The following DNAH5 variants were observed in gnomAD, a reference collection of about 807,000 sequenced individuals.
DNAH5 encodes dynein axonemal heavy chain 5, also known as axonemal beta dynein heavy chain 5.
In DNAH5, 372 loss-of-function variants were observed where a neutral mutation model predicts 518.2. The ratio of observed to expected loss-of-function variants is 0.72; its 90% CI spans 0.66 to 0.78. DNAH5 has a LOEUF of 0.78. Ranked by LOEUF, DNAH5 falls within the 30% of genes least tolerant of loss-of-function variation. The pLI is 0.00. For missense variants in DNAH5, 5,523 were observed against 5,687.0 expected, an observed-to-expected ratio of 0.97 and a Z score of 0.93; for synonymous variants, 2,039 against 2,025.9, an observed-to-expected ratio of 1.01 and a Z score of -0.17.
chr5:13,885,683 A>G (rs1772322922), intron 18 of DNAH5, among the ~76,000 whole-genome samples: 3 of 152,234 alleles, frequency 2.0e-5, no homozygotes, highest in South Asian at 4.1e-4. Flanking sequence ...AACTCTATTG[A>G]TAAGGTAAAA....
intron 9 of DNAH5, among the ~76,000 whole-genome samples, chr5:13,915,077 C>T (rs1431776491): frequency 1.3e-5 from 2 of 151,946 alleles, no homozygotes; most frequent in South Asian, 2.1e-4. Flanking sequence ...AGGAGAAGGC[C>T]GCAGAGAGAA....
At chr5:13,881,913 A>C (rs1289892849) in intron 21 of DNAH5, among the ~76,000 whole-genome samples, 1 of 152,092 alleles carries the variant, frequency 6.6e-6, no homozygotes, top group Non-Finnish European at 1.5e-5. Context: ...GAAAAGCTAC[A>C]CAAAGTTGAC....
chr5:14,005,600 C>T (rs1301776189), intron 1 of DNAH5, among the ~76,000 whole-genome samples: 1 of 152,198 alleles, frequency 6.6e-6, no homozygotes, highest in African/African-American at 2.4e-5. Context: ...AAATGCAGCA[C>T]CTGAATGTGT....
intron 1 of DNAH5, among the ~76,000 whole-genome samples, chr5:13,955,897 A>G (rs1012834032): frequency 2.0e-5 from 3 of 152,158 alleles, no homozygotes; most frequent in African/African-American, 7.2e-5. Context: ...TCAATATTAA[A>G]TTTTACTCTA....
intron 24 of DNAH5, 120 bp downstream of exon 24, chr5:13,870,647 A>G: frequency 1.1e-6 from 1 of 947,962 alleles, no homozygotes; most frequent in Non-Finnish European, 1.6e-6. Context: ...AACAATATTG[A>G]AATTATTGTC....
chr5:13,811,552 C>A, intron 44 of DNAH5, 95 bp downstream of exon 44: 1 of 1,227,130 alleles, frequency 8.1e-7, no homozygotes, highest in Non-Finnish European at 1.2e-6. Context: ...CTCTGTATAG[C>A]ATGGCTACAT....
chr5:13,740,462 T>C (rs1748319597), intron 65 of DNAH5, among the ~76,000 whole-genome samples: 1 of 152,170 alleles, frequency 6.6e-6, no homozygotes. Flanking sequence ...GGGACTTCAT[T>C]TCCTACTTTT....
chr5:13,787,219 G>C, intron 51 of DNAH5, among the ~76,000 whole-genome samples: 1 of 150,734 alleles, frequency 6.6e-6, no homozygotes, highest in Non-Finnish European at 1.5e-5. Flanking sequence ...AAAAAAAAAG[G>C]ATAATGCCCA....
intron 55 of DNAH5, among the ~76,000 whole-genome samples, chr5:13,776,097 A>T (rs4701983): frequency 1.3e-5 from 2 of 151,992 alleles, no homozygotes; most frequent in African/African-American, 4.8e-5. Context: ...AGAAAGAAGC[A>T]GAAGCAGCAA....
chr5:13,849,571 A>G lies in DNAH5; in HGVS notation c.5114+1081T>C, dbSNP rs112463257. 3.6e-3 allele frequency among the ~76,000 whole-genome samples: 554 copies of G among 152,210 alleles called. 4 individuals are homozygous for G. The highest frequency in any genetic ancestry group is 0.013 in the African/African-American group (530 of 41,516). On this transcript the variant is annotated intron_variant, in intron 31 of 78. Coordinates refer to ENST00000265104, the MANE Select transcript of DNAH5 (RefSeq NM_001369.3). The stretch of plus-strand genomic sequence containing the variant: ...ATCATATGCCACCCTTTACCTTGGA[A>G]CCTAGGAAGGATCTTTGCTCTATAA...
rs749621190 is a variant in DNAH5, at chr5:13,700,753, CCATAGA to C, written c.13604_13609del (p.Val4535_Tyr4536del). The C allele has an allele frequency of 3.1e-6, 5 of 1,614,158 alleles. No individual in the cohort carries two copies. The highest frequency in any genetic ancestry group is 4.2e-6 in the Non-Finnish European group (5 of 1,180,012). On this transcript the variant is annotated inframe_deletion, in exon 78 of 79. Transcript: ENST00000265104. ...CCAGCCAGCACCTTCAAGATATAAG[CCATAGA>C]CATAGACACCCTCTGTGGGAGGGGC...
intron 78 of DNAH5, among the ~76,000 whole-genome samples, chr5:13,692,782 A>G (rs1685888294): frequency 6.6e-6 from 1 of 152,162 alleles, no homozygotes. Context: ...AAGGCAATCT[A>G]TGTATGTCCA....
intron 37 of DNAH5, 89 bp downstream of exon 37, chr5:13,829,934 ATTC>A: frequency 7.5e-7 from 1 of 1,326,468 alleles, no homozygotes; most frequent in Non-Finnish European, 1.1e-6. Flanking sequence ...CCCAATTTCC[ATTC>A]AGGAAAACAG....
intron 50 of DNAH5, among the ~76,000 whole-genome samples, chr5:13,789,383 A>G (rs915977908): frequency 1.6e-4 from 24 of 152,220 alleles, no homozygotes; most frequent in African/African-American, 2.4e-5. Context: ...AACAAAAAAA[A>G]GCAAGCACCT....
At chr5:13,852,595 AACCCAGC>A (rs1767037429) in intron 30 of DNAH5, among the ~76,000 whole-genome samples, 1 of 152,228 alleles carries the variant, frequency 6.6e-6, no homozygotes, top group Admixed American at 6.5e-5. Context: ...ATCCCCACAG[AACCCAGC>A]AAGCTAAGAT....
rs758513686 is a variant in DNAH5 at position 13,841,751 on chromosome 5, C to T, written c.5425G>A (p.Ala1809Thr). 6.3e-5 allele frequency: 102 copies of T among 1,613,740 alleles called. No homozygotes were observed. Among genetic ancestry groups the T allele is most frequent in the East Asian group, 1.1e-4 (5 of 44,872 alleles). Residue 1809 changes from alanine (A) to threonine (T), a missense_variant, in exon 33 of 79, where the codon GCA becomes ACA. Ala to Thr is a moderately conservative substitution (Grantham distance 58). Transcript: ENST00000265104. ...TGGAAACCTGTTTCTTGAATATTTG[C>T]GGCTGCCTGGCGAATCACAAGATGC... ...SLHLVIRQAA[A>T]NIQETGFQLT... is the part of the protein sequence containing the mutation.
At chr5:13,836,305 C>A (rs1455369698) in intron 35 of DNAH5, among the ~76,000 whole-genome samples, 1 of 152,006 alleles carries the variant, frequency 6.6e-6, no homozygotes, top group Non-Finnish European at 1.5e-5. Flanking sequence ...GGAGAGAAGC[C>A]CTGGTTTGAG....
rs780320440 is a variant in DNAH5, at chr5:13,841,033, T to G, written c.5582A>C (p.Gln1861Pro). 1 of 1,614,196 alleles carries G rather than the reference T, an allele frequency of 6.2e-7. No individual in the cohort carries two copies. Among genetic ancestry groups the G allele is most frequent in the Admixed American group, 1.7e-5 (1 of 60,028 alleles). ...TGTATTGAGTAGCTCCAGGAAAGCC[T>G]GATTAGTTTTCTGCATGATTTTTTT... The part of the protein sequence containing the change: ...FDKKIMQKTN[Q>P]AFLELLNTLI... Residue 1861 changes from glutamine (Q) to proline (P), a missense_variant, in exon 34 of 79, where the codon CAG (glutamine) becomes CCG (proline). This residue lies in a region of DNAH5 where 5,121 missense variants were observed against 5,223.3 expected (regional missense o/e 0.98). Coordinates refer to ENST00000265104, the MANE Select transcript of DNAH5 (RefSeq NM_001369.3).
rs1406390872 is a variant in DNAH5 at position 13,885,051 on chromosome 5, G to A, written c.2921C>T (p.Thr974Ile). ...HQNMDALLKV[T>I]RNTLEAIRKR... ...GCGAATGGCCTCTAGTGTATTCCTT[G>A]TAACTTTCAGAAGAGCATCCATGTT... The change falls in exon 19 of 79, where the codon ACA (threonine) becomes ATA (isoleucine). Residue 974 changes from threonine (T) to isoleucine (I), a missense_variant. Around this residue, in one of 3 missense-constraint regions of DNAH5, gnomAD observed 5,121 missense variants for 5,223.3 expected, o/e 0.98. Transcript: ENST00000265104. 6.2e-7 allele frequency: 1 copy of A among 1,614,204 alleles called. No individual in the cohort carries two copies. Among genetic ancestry groups the A allele is most frequent in the South Asian group, 1.1e-5 (1 of 91,090 alleles).
Sources: gnomAD v4.1 joint callset for allele counts (sites outside exome capture counted in the v4.1 genomes callset) on GRCh38, gnomAD v4.1.1 for gene constraint, gnomAD v4.1.1 regional missense constraint, MANE v1.5 for transcripts, NCBI Gene and HGNC (gene_info 2026-07-23, HGNC 2026-07-21) for gene names.